The following BCAS3 variants were observed in gnomAD, a reference collection of about 807,000 sequenced individuals.
BCAS3 encodes the protein BCAS4/BCAS3 fusion.
A neutral mutation model predicts 116.1 loss-of-function variants in BCAS3; 53 were observed. The ratio of observed to expected loss-of-function variants is 0.46; its 90% confidence interval spans 0.37 to 0.57. BCAS3 has a LOEUF of 0.57. Ranked by LOEUF, BCAS3 falls within the 20% of genes least tolerant of loss-of-function variation. The pLI is 0.00. For missense variants in BCAS3, 917 were observed against 1,165.4 expected (o/e 0.79, Z 3.10); for synonymous variants, 391 against 408.2 (o/e 0.96, Z 0.51).
rs1053189593 is a variant in BCAS3 at position 61,377,736 on chromosome 17, C to T, written c.2593+9242C>T. 3.3e-5 allele frequency: 5 copies of T among 152,204 alleles called. No individual in the cohort carries two copies. The highest frequency in any genetic ancestry group is 1.3e-4 in the Admixed American group (2 of 15,276). 9.4% of individuals were successfully genotyped at this position (152,204 alleles called of 1,614,324 possible). On this transcript the variant is annotated intron_variant, in intron 23 of 23. Transcript: ENST00000407086. This position sits in a 1 kb window ranked among gnomAD's most constrained non-coding sequence, Gnocchi z 4.6. ...CCACGATAGCAGTGGCCACACCTCCCGTGGGACTTGTACGCCTAAGACTCT... is the reference window on the plus strand; with the variant it reads ...CCACGATAGCAGTGGCCACACCTCCTGTGGGACTTGTACGCCTAAGACTCT...
chr17:61,372,496 G>T (rs917016997), intron 23 of BCAS3, among the ~76,000 whole-genome samples: 1 of 152,108 alleles, frequency 6.6e-6, no homozygotes, highest in Admixed American at 6.5e-5. Context: ...CATCTATTCA[G>T]CTACCTATTG....
At chr17:60,686,639 C>G (rs533463960) in intron 3 of BCAS3, among the ~76,000 whole-genome samples, 36 of 152,062 alleles carry the variant, frequency 2.4e-4, no homozygotes, top group Non-Finnish European at 4.7e-4. Flanking sequence ...GATTCTCCTG[C>G]CTCAGCCTCC....
chr17:60,733,191 G>A (rs942541136), intron 5 of BCAS3, among the ~76,000 whole-genome samples: 1 of 152,018 alleles, frequency 6.6e-6, no homozygotes, highest in Non-Finnish European at 1.5e-5. Context: ...ATTTTAAAAC[G>A]AAACTCAGAT....
chr17:61,006,578 AT>A (rs2064730357), intron 15 of BCAS3, among the ~76,000 whole-genome samples: 2 of 152,074 alleles, frequency 1.3e-5, no homozygotes, highest in African/African-American at 4.8e-5. Flanking sequence ...TTTTCAAGAA[AT>A]AATTTAATGA....
At chr17:60,950,333 A>G (rs1444215949) in intron 14 of BCAS3, among the ~76,000 whole-genome samples, 1 of 152,208 alleles carries the variant, frequency 6.6e-6, no homozygotes, top group Non-Finnish European at 1.5e-5. Flanking sequence ...AAGAGACTTA[A>G]AATACACATT....
Position 61,056,958 on chromosome 17 carries a change from G to C in BCAS3, c.2029+16066G>C, listed in dbSNP as rs1409946305. Among the ~76,000 whole-genome samples the C allele has an allele frequency of 1.3e-5, 2 of 152,162 alleles. No homozygotes were observed. Among genetic ancestry groups the C allele is most frequent in the Non-Finnish European group, 2.9e-5 (2 of 68,032 alleles). Reference sequence around the variant, plus strand: ...ATTGCTCACTAAATACATCAAAATTGATTGGACCTTCTTTATTTGAATTGA... The same window carrying C: ...ATTGCTCACTAAATACATCAAAATTCATTGGACCTTCTTTATTTGAATTGA... On this transcript the variant is annotated intron_variant, in intron 19 of 23. Coordinates refer to ENST00000407086, the MANE Select transcript of BCAS3 (RefSeq NM_017679.5). The surrounding 1 kb of genome is among the most constrained non-coding windows in gnomAD (Gnocchi z 4.9).
intron 22 of BCAS3, among the ~76,000 whole-genome samples, chr17:61,120,300 C>G (rs2075718921): frequency 6.6e-6 from 1 of 151,952 alleles, no homozygotes; most frequent in Non-Finnish European, 1.5e-5. Context: ...TCAACAATTG[C>G]TAACATTATG....
rs537987879 is a variant in BCAS3 at position 61,105,864 on chromosome 17, T to C, written c.2425+21300T>C. Reference sequence around the variant, plus strand: ...TTTGGTTAAATTCATTTGTCACATATTGGTGTTTTATTTAAAATATTGTCC... The same window carrying C: ...TTTGGTTAAATTCATTTGTCACATACTGGTGTTTTATTTAAAATATTGTCC... On this transcript the variant is annotated intron_variant, in intron 22 of 23. Coordinates refer to ENST00000407086, the MANE Select transcript of BCAS3 (RefSeq NM_017679.5). The surrounding 1 kb of genome is among the most constrained non-coding windows in gnomAD (Gnocchi z 4.3). Among the ~76,000 whole-genome samples the C allele has an allele frequency of 1.5e-3, 229 of 152,302 alleles. 2 individuals are homozygous for C. The highest frequency in any genetic ancestry group is 5.3e-3 in the African/African-American group (222 of 41,566).
chr17:61,038,338 C>T (rs1306763464), intron 18 of BCAS3, among the ~76,000 whole-genome samples: 3 of 146,924 alleles, frequency 2.0e-5, no homozygotes, highest in Non-Finnish European at 3.0e-5. Context: ...AGTGCAGTGG[C>T]GCGATCTCAG....
Position 61,026,362 on chromosome 17 carries a change from C to T in BCAS3, c.1638-8304C>T, listed in dbSNP as rs16944744. On this transcript the variant is annotated intron_variant, in intron 16 of 23. Coordinates refer to ENST00000407086, the MANE Select transcript of BCAS3 (RefSeq NM_017679.5). This position sits in a 1 kb window ranked among gnomAD's most constrained non-coding sequence, Gnocchi z 5.0. The stretch of plus-strand genomic sequence containing the variant: ...GACCAACAATATACAATTCAACTTA[C>T]GACAAATAAGCAGCTTGAAAAATAT... Among the ~76,000 whole-genome samples the T allele has an allele frequency of 3.9e-5, 6 of 152,044 alleles. No individual in the cohort carries two copies. The highest frequency in any genetic ancestry group is 2.0e-4 in the Admixed American group (3 of 15,240).
At chr17:61,342,276 A>G (rs1225967175) in intron 22 of BCAS3, among the ~76,000 whole-genome samples, 5 of 152,208 alleles carry the variant, frequency 3.3e-5, no homozygotes. Flanking sequence ...CTGCTCCTCC[A>G]CATGGCACCT....
At chr17:61,280,221 A>C (rs571012389) in intron 22 of BCAS3, among the ~76,000 whole-genome samples, 1 of 152,280 alleles carries the variant, frequency 6.6e-6, no homozygotes, top group South Asian at 2.1e-4. Flanking sequence ...TTATCTCCTC[A>C]CTCATGGCTC....
rs1474662310 is a variant in BCAS3 at position 61,124,072 on chromosome 17, A to C, written c.2425+39508A>C. ...TATTTCAAACTTGTATCTAGGAGAG[A>C]GATATATATATATACATATATATGT... On this transcript the variant is annotated intron_variant, in intron 22 of 23. Coordinates refer to ENST00000407086, the MANE Select transcript of BCAS3 (RefSeq NM_017679.5). The surrounding 1 kb of genome is among the most constrained non-coding windows in gnomAD (Gnocchi z 4.6). Among the ~76,000 whole-genome samples the C allele has an allele frequency of 6.6e-6, 1 of 151,816 alleles. No individual in the cohort carries two copies. The highest frequency in any genetic ancestry group is 1.9e-4 in the East Asian group (1 of 5,190).
chr17:60,683,836 C>G (rs1439113660), intron 2 of BCAS3, 146 bp from the exon 3 acceptor site: 2 of 713,496 alleles, frequency 2.8e-6, no homozygotes, highest in Non-Finnish European at 4.5e-6. Flanking sequence ...TGTCTCAAAA[C>G]AAAACAAAAC....
intron 12 of BCAS3, among the ~76,000 whole-genome samples, chr17:60,918,514 A>G (rs2058893219): frequency 6.6e-6 from 1 of 152,210 alleles, no homozygotes; most frequent in Non-Finnish European, 1.5e-5. Context: ...TCACTCTACT[A>G]TGGAATGTTA....
At chr17:61,018,881 A>G (rs2065678610) in intron 16 of BCAS3, among the ~76,000 whole-genome samples, 1 of 152,150 alleles carries the variant, frequency 6.6e-6, no homozygotes. Context: ...GTTGTCTATA[A>G]TGATTTTTCT....
In BCAS3 at chr17:61,286,221, A is replaced by G. The variant is rs986981945; in HGVS notation, c.2426-82106A>G. On this transcript the variant is annotated intron_variant, in intron 22 of 23. Coordinates refer to ENST00000407086, the MANE Select transcript of BCAS3 (RefSeq NM_017679.5). This position sits in a 1 kb window ranked among gnomAD's most constrained non-coding sequence, Gnocchi z 4.8. ...TGCAACCATCCCTTGGGGAGCCTGC[A>G]GGGCGGGGTGCGGAGGGTCTGCGGG... Among the ~76,000 whole-genome samples, 3 of 152,148 alleles carry G rather than the reference A, an allele frequency of 2.0e-5. No individual in the cohort carries two copies. The highest frequency in any genetic ancestry group is 4.4e-5 in the Non-Finnish European group (3 of 68,020).
At chr17:60,870,621 A>G (rs1432143864) in intron 8 of BCAS3, among the ~76,000 whole-genome samples, 1 of 152,234 alleles carries the variant, frequency 6.6e-6, no homozygotes, top group Admixed American at 6.5e-5. Flanking sequence ...TAACCCCCCA[A>G]TAAAACAGTA....
chr17:60,792,311 C>T (rs192644959), intron 6 of BCAS3, among the ~76,000 whole-genome samples: 2 of 152,322 alleles, frequency 1.3e-5, no homozygotes, highest in Admixed American at 1.3e-4. Flanking sequence ...GTGCATGGGC[C>T]TCGTGCTGGC....
Sources: allele counts gnomAD v4.1 joint callset (sites outside exome capture counted in the v4.1 genomes callset), GRCh38; gene constraint gnomAD v4.1.1; non-coding constraint Gnocchi (gnomAD v3.1); transcripts MANE v1.5; gene names NCBI Gene and HGNC (gene_info 2026-07-23, HGNC 2026-07-21).